The following BABAM2 variants were observed in gnomAD, a reference collection of about 807,000 sequenced individuals.
BABAM2 encodes BRISC and BRCA1-A complex member 2.
A neutral mutation model predicts 54.7 loss-of-function variants in BABAM2; 31 were observed. The ratio of observed to expected loss-of-function variants is 0.57; its 90% CI spans 0.43 to 0.77. BABAM2 has a LOEUF of 0.77. Among genes scored for constraint, BABAM2 ranks in the 30% least tolerant of loss-of-function variants. The probability of loss-of-function intolerance (pLI) is 0.00; values close to 1 mark genes in which losing one functional copy is unlikely to be tolerated. For missense variants in BABAM2, 364 were observed against 455.8 expected (o/e 0.80, Z 1.83); for synonymous variants, 167 against 162.9 (o/e 1.03, Z -0.19).
At chr2:28,169,853 GA>G (rs1156539888) in intron 7 of BABAM2, among the ~76,000 whole-genome samples, 2 of 147,318 alleles carry the variant, frequency 1.4e-5, no homozygotes, top group South Asian at 2.2e-4. Flanking sequence ...GTTAGTCATT[GA>G]AAAAAAAAGC....
At chr2:28,276,038 T>C (rs1685851806) in intron 10 of BABAM2, among the ~76,000 whole-genome samples, 3 of 147,750 alleles carry the variant, frequency 2.0e-5, no homozygotes, top group African/African-American at 5.0e-5. Flanking sequence ...AAGAAAAAAA[T>C]GGGACTAATA....
At chr2:27,906,749 A>G (rs1455902185) in intron 2 of BABAM2, among the ~76,000 whole-genome samples, 1 of 152,186 alleles carries the variant, frequency 6.6e-6, no homozygotes, top group African/African-American at 2.4e-5. Flanking sequence ...TAATGTGTAA[A>G]GAAAAGTGGG....
At chr2:27,959,346 A>C (rs528338303) in intron 3 of BABAM2, among the ~76,000 whole-genome samples, 1 of 152,202 alleles carries the variant, frequency 6.6e-6, no homozygotes, top group Admixed American at 6.5e-5. Flanking sequence ...TTAATGTTTC[A>C]TGAAGAGAGA....
intron 2 of BABAM2, among the ~76,000 whole-genome samples, chr2:27,929,507 A>G (rs560434703): frequency 1.3e-5 from 2 of 152,256 alleles, no homozygotes; most frequent in Non-Finnish European, 2.9e-5. Context: ...TTCTTGGCAT[A>G]AGAATAGACA....
intron 11 of BABAM2, among the ~76,000 whole-genome samples, chr2:28,306,448 G>A (rs1158452213): frequency 6.6e-6 from 1 of 151,874 alleles, no homozygotes; most frequent in Non-Finnish European, 1.5e-5. Flanking sequence ...CAATAACTTG[G>A]TCCTTCTATC....
chr2:28,116,376 G>T (rs183638466), intron 6 of BABAM2, among the ~76,000 whole-genome samples: 60 of 152,280 alleles, frequency 3.9e-4, no homozygotes, highest in Non-Finnish European at 6.6e-4. Context: ...GTCAAGGGGA[G>T]ACTCTCTAGT....
intron 10 of BABAM2, among the ~76,000 whole-genome samples, chr2:28,247,588 G>A (rs991806963): frequency 3.3e-5 from 5 of 152,168 alleles, no homozygotes; most frequent in African/African-American, 1.2e-4. Context: ...CTCAAGAGGT[G>A]AAAAGGAGGA....
At chr2:28,258,132 G>A (rs777233186) in intron 10 of BABAM2, among the ~76,000 whole-genome samples, 17 of 150,798 alleles carry the variant, frequency 1.1e-4, no homozygotes, top group African/African-American at 3.4e-4. Flanking sequence ...AGCTGAGATC[G>A]CACCACTGCA....
At chr2:28,101,714 T>C (rs1667097495) in intron 6 of BABAM2, among the ~76,000 whole-genome samples, 1 of 152,228 alleles carries the variant, frequency 6.6e-6, no homozygotes, top group African/African-American at 2.4e-5. Flanking sequence ...ATGATGTTCA[T>C]AATGTATTAG....
At chr2:28,079,163 T>A (rs1191000188) in intron 6 of BABAM2, among the ~76,000 whole-genome samples, 2 of 152,182 alleles carry the variant, frequency 1.3e-5, no homozygotes, top group Admixed American at 6.5e-5. Context: ...AACCATTAAG[T>A]GTGCCAGAGT....
intron 2 of BABAM2, among the ~76,000 whole-genome samples, chr2:27,913,531 A>G (rs1213105398): frequency 6.6e-6 from 1 of 152,190 alleles, no homozygotes; most frequent in African/African-American, 2.4e-5. Flanking sequence ...AGATAACTCA[A>G]ATTTTCAGTT....
chr2:27,894,293 A>G (rs998829974), intron 1 of BABAM2, among the ~76,000 whole-genome samples: 2 of 152,124 alleles, frequency 1.3e-5, no homozygotes, highest in African/African-American at 4.8e-5. Flanking sequence ...GGAAAAGGGA[A>G]TTGTATTTCA....
chr2:28,192,517 CTTTTTTTTT>C (rs58587872), intron 7 of BABAM2, among the ~76,000 whole-genome samples: 2 of 120,586 alleles, frequency 1.7e-5, no homozygotes, highest in Non-Finnish European at 1.7e-5. Context: ...GTTTATAGCT[CTTTTTTTTT>C]TTTTTTTTTT....
At chr2:28,297,937 A>G (rs1348044147) in intron 10 of BABAM2, among the ~76,000 whole-genome samples, 1 of 152,232 alleles carries the variant, frequency 6.6e-6, no homozygotes, top group African/African-American at 2.4e-5. Flanking sequence ...AGTTTATGTT[A>G]TAATAGACAC....
intron 11 of BABAM2, among the ~76,000 whole-genome samples, chr2:28,330,178 T>C (rs563747617): frequency 6.6e-6 from 1 of 152,264 alleles, no homozygotes; most frequent in South Asian, 2.1e-4. Flanking sequence ...TGGTGGAACA[T>C]ACCTCAAAAT....
At chr2:28,281,441 G>A (rs972419508) in intron 10 of BABAM2, among the ~76,000 whole-genome samples, 4 of 152,152 alleles carry the variant, frequency 2.6e-5, no homozygotes, top group African/African-American at 9.7e-5. Flanking sequence ...ATCCATGGCG[G>A]AAGTAAATGT....
chr2:28,012,102 G>A (rs575554076), intron 4 of BABAM2, among the ~76,000 whole-genome samples: 5 of 152,166 alleles, frequency 3.3e-5, no homozygotes, highest in Non-Finnish European at 2.9e-5. Context: ...AAACACAGAA[G>A]CACACATTAA....
intron 5 of BABAM2, among the ~76,000 whole-genome samples, chr2:28,043,152 G>A (rs1263106691): frequency 1.3e-5 from 2 of 148,968 alleles, no homozygotes; most frequent in African/African-American, 2.5e-5. Context: ...TTTTTTAGAC[G>A]GAGTCTTGCT....
At chr2:27,903,615 A>G (rs1665978235) in intron 2 of BABAM2, among the ~76,000 whole-genome samples, 1 of 152,188 alleles carries the variant, frequency 6.6e-6, no homozygotes, top group Non-Finnish European at 1.5e-5. Context: ...GACCTCCCCT[A>G]GTAGATGCCT....
Sources: gnomAD v4.1 joint callset for allele counts (sites outside exome capture counted in the v4.1 genomes callset) on GRCh38, gnomAD v4.1.1 for gene constraint, MANE v1.5 for transcripts, NCBI Gene and HGNC (gene_info 2026-07-23, HGNC 2026-07-21) for gene names.